Variants in ATAD2B observed in about 807,000 individuals in gnomAD.
ATAD2B encodes the protein ATPase family AAA domain-containing protein 2B.
ATAD2B carries 40 observed loss-of-function variants against 167.6 expected under a neutral mutation model. The ratio of observed to expected loss-of-function variants is 0.24; its 90% CI spans 0.19 to 0.31. ATAD2B has a LOEUF of 0.31. ATAD2B is among the 10% of genes least tolerant of loss of function. The pLI is 1.00. For synonymous variants in ATAD2B, 579 were observed against 596.5 expected (o/e 0.97, Z 0.43); for missense variants, 1,242 against 1,757.2 (o/e 0.71, Z 5.24).
intron 22 of ATAD2B, among the ~76,000 whole-genome samples, chr2:23,767,144 T>G (rs1052012553): frequency 1.3e-5 from 2 of 151,976 alleles, no homozygotes; most frequent in Admixed American, 1.3e-4. Flanking sequence ...TGCTCTACCC[T>G]GACTCATTCC....
chr2:23,771,810 A>C (rs1375272056), intron 22 of ATAD2B, among the ~76,000 whole-genome samples: 1 of 152,132 alleles, frequency 6.6e-6, no homozygotes, highest in Non-Finnish European at 1.5e-5. Context: ...ACACATATGC[A>C]CTAACCAGTA....
intron 22 of ATAD2B, among the ~76,000 whole-genome samples, chr2:23,779,012 G>A (rs776545611): frequency 6.6e-5 from 10 of 152,114 alleles, no homozygotes; most frequent in Admixed American, 2.6e-4. Flanking sequence ...TAGGACCCCA[G>A]CAAGGGAAGG....
intron 13 of ATAD2B, among the ~76,000 whole-genome samples, chr2:23,843,318 G>C (rs866081860): frequency 2.4e-4 from 36 of 152,256 alleles, no homozygotes; most frequent in Middle Eastern, 3.4e-3. Context: ...AACAGAAAAA[G>C]ACTGAAAAAT....
intron 13 of ATAD2B, among the ~76,000 whole-genome samples, chr2:23,855,677 C>T (rs1693277234): frequency 6.6e-6 from 1 of 152,180 alleles, no homozygotes; most frequent in African/African-American, 2.4e-5. Flanking sequence ...TCGCTTGAGA[C>T]TAGGTGTCAG....
At chr2:23,710,610 T>A in the ATAD2B span, among the ~76,000 whole-genome samples, 1 of 152,170 alleles carries the variant, frequency 6.6e-6, no homozygotes, top group Admixed American at 6.5e-5. Flanking sequence ...ATGAGAAAAG[T>A]CATACACAGC....
At chr2:23,872,907 CT>C (rs1696224299) in intron 8 of ATAD2B, 2 of 775,626 alleles carry the variant, frequency 2.6e-6, no homozygotes, top group Non-Finnish European at 4.7e-6. Flanking sequence ...TCTTCATCTC[CT>C]TATGGCCCGC....
chr2:23,852,107 A>T (rs1692665444), intron 13 of ATAD2B, among the ~76,000 whole-genome samples: 1 of 152,248 alleles, frequency 6.6e-6, no homozygotes, highest in African/African-American at 2.4e-5. Context: ...ACCTAAGAAT[A>T]AATAGAAAAC....
chr2:23,839,142 AC>A (rs1690475862), intron 13 of ATAD2B, among the ~76,000 whole-genome samples: 1 of 152,146 alleles, frequency 6.6e-6, no homozygotes, highest in South Asian at 2.1e-4. Flanking sequence ...GCATCTATCT[AC>A]AGGTTGCTTT....
chr2:23,777,530 C>G (rs942100198), intron 22 of ATAD2B, among the ~76,000 whole-genome samples: 1 of 152,060 alleles, frequency 6.6e-6, no homozygotes, highest in African/African-American at 2.4e-5. Context: ...ACAACTGTGG[C>G]AGATAAATTT....
At chr2:23,691,257 G>T in the ATAD2B span, 4 of 254,996 alleles carry the variant, frequency 1.6e-5, no homozygotes, top group South Asian at 2.0e-4. Flanking sequence ...AGCCTCCCAA[G>T]CCTGGGTCAC....
the ATAD2B span, chr2:23,708,182 C>T: frequency 6.6e-6 from 1 of 152,240 alleles, no homozygotes; most frequent in South Asian, 2.1e-4. Context: ...GCATCAACTT[C>T]TAGCACTACG....
chr2:23,730,446 C>T, the ATAD2B span, among the ~76,000 whole-genome samples: 1 of 151,718 alleles, frequency 6.6e-6, no homozygotes, highest in African/African-American at 2.4e-5. Flanking sequence ...GCAGGCGGAT[C>T]ACAAGGTCAG....
the ATAD2B span, among the ~76,000 whole-genome samples, chr2:23,736,687 C>T: frequency 6.6e-6 from 1 of 152,130 alleles, no homozygotes; most frequent in East Asian, 1.9e-4. Context: ...GAGTGCCAGA[C>T]AGTAGGTGCA....
chr2:23,745,368 AGAAGGAAG>A (rs767435573), downstream of ATAD2B, among the ~76,000 whole-genome samples: 587 of 52,910 alleles, frequency 0.011, 5 homozygotes, highest in South Asian at 0.032. Context: ...AAGGAAGGAA[AGAAGGAAG>A]GAAGGAAGGA....
chr2:23,867,793 T>TA (rs1285146444), intron 10 of ATAD2B, 42 bp downstream of exon 10: 60 of 1,446,000 alleles, frequency 4.1e-5, no homozygotes, highest in Admixed American at 7.8e-5. Flanking sequence ...AAAAAACTTT[T>TA]AAAAAAAAGA....
chr2:23,712,242 G>C, the ATAD2B span, among the ~76,000 whole-genome samples: 1 of 152,156 alleles, frequency 6.6e-6, no homozygotes, highest in Non-Finnish European at 1.5e-5. Flanking sequence ...TCCTCCCCAG[G>C]CTACCTCAAA....
chr2:23,703,732 C>T, the ATAD2B span: 2 of 1,536,620 alleles, frequency 1.3e-6, no homozygotes, highest in Non-Finnish European at 1.7e-6. Flanking sequence ...ACAAGTATGC[C>T]CCCGCTGTCA....
At chr2:23,808,082 T>TATATATATAATTATATATATAAGTAATG (rs1684862346) in intron 18 of ATAD2B, among the ~76,000 whole-genome samples, 1 of 131,894 alleles carries the variant, frequency 7.6e-6, no homozygotes, top group East Asian at 2.0e-4. Flanking sequence ...TATAAGTAAT[T>TATATATATAATTATATATATAAGTAATG]ATATATATAA....
intron 2 of ATAD2B, 79 bp from the exon 3 acceptor site, chr2:23,888,478 A>ATT: frequency 1.1e-6 from 1 of 900,512 alleles, no homozygotes; most frequent in Non-Finnish European, 1.6e-6. Flanking sequence ...TGCTGGAATT[A>ATT]TTTTAATCTT....
Sources: allele counts gnomAD v4.1 joint callset (sites outside exome capture counted in the v4.1 genomes callset), GRCh38; gene constraint gnomAD v4.1.1; transcripts MANE v1.5; gene names NCBI Gene and HGNC (gene_info 2026-07-23, HGNC 2026-07-21).